The following RBFOX1 variants were observed in gnomAD, a reference collection of about 807,000 sequenced individuals.
The protein encoded by RBFOX1 is RNA binding fox-1 homolog 1.
In RBFOX1, 8 loss-of-function variants were observed where a neutral mutation model predicts 57.7. The observed-to-expected ratio is 0.14, with a 90% CI of 0.08 to 0.25. The LOEUF is 0.25. Among genes scored for constraint, RBFOX1 ranks in the 10% least tolerant of loss-of-function variants. The pLI, the probability that RBFOX1 is intolerant of heterozygous loss-of-function variation, is 1.00. For synonymous variants in RBFOX1, 326 were observed against 222.4 expected, an observed-to-expected ratio of 1.47 and a Z score of -4.15; for missense variants, 611 against 548.5, an observed-to-expected ratio of 1.11 and a Z score of -1.14.
At chr16:6,881,081 T>G (rs1415275687) in intron 3 of RBFOX1, among the ~76,000 whole-genome samples, 1 of 152,208 alleles carries the variant, frequency 6.6e-6, no homozygotes, top group East Asian at 1.9e-4. Context: ...ATGGCACTTT[T>G]ACCCACTGAG....
chr16:6,479,977 G>T (rs569277247), intron 2 of RBFOX1, among the ~76,000 whole-genome samples: 1 of 151,894 alleles, frequency 6.6e-6, no homozygotes, highest in East Asian at 1.9e-4. Flanking sequence ...CTTAAACCCA[G>T]GGGCAGAGGT....
intron 3 of RBFOX1, among the ~76,000 whole-genome samples, chr16:5,659,760 A>C (rs1404048562): frequency 6.6e-6 from 1 of 152,236 alleles, no homozygotes; most frequent in African/African-American, 2.4e-5. Context: ...TTACCAAGGT[A>C]GAGAACAAAC....
intron 1 of RBFOX1, among the ~76,000 whole-genome samples, chr16:6,194,854 A>G (rs2097169598): frequency 6.6e-6 from 1 of 152,218 alleles, no homozygotes; most frequent in Non-Finnish European, 1.5e-5. Flanking sequence ...AGTGATTAAT[A>G]TGGTATGTCA....
chr16:7,612,408 A>G (rs2057688126), intron 10 of RBFOX1, among the ~76,000 whole-genome samples: 1 of 151,266 alleles, frequency 6.6e-6, no homozygotes, highest in Admixed American at 6.6e-5. Context: ...TCTTTGGCCA[A>G]TGTGTATGGC....
At position 7,710,844 on chromosome 16, in the gene RBFOX1, TAAA is replaced by T. The variant is rs5815427; in HGVS notation, c.*111_*113del. The T allele has an allele frequency of 0.1, 85,304 of 825,992 alleles. 2,932 individuals are homozygous for T. The highest frequency in any genetic ancestry group is 0.19 in the African/African-American group (10,753 of 55,668). 51.2% of individuals were successfully genotyped at this position (825,992 alleles called of 1,614,324 possible). A position where few individuals can be genotyped will look rare whatever the true frequency, so the allele number is the denominator to read the frequency against. The stretch of plus-strand genomic sequence containing the variant: ...CAGTAGTACATCATTTTAGCAACTC[TAAA>T]AAAAAAAAAAATACAAATAAAAAGG... On this transcript the variant is annotated 3_prime_UTR_variant, in exon 16 of 16. Coordinates refer to ENST00000550418, the MANE Select transcript of RBFOX1 (RefSeq NM_018723.4).
intron 2 of RBFOX1, among the ~76,000 whole-genome samples, chr16:6,516,160 C>G (rs2096373974): frequency 6.6e-6 from 1 of 152,142 alleles, no homozygotes; most frequent in African/African-American, 2.4e-5. Context: ...TCCCGAGTAG[C>G]TGGGATTACA....
chr16:5,631,891 G>T (rs147754104), intron 3 of RBFOX1, among the ~76,000 whole-genome samples: 3 of 152,212 alleles, frequency 2.0e-5, no homozygotes, highest in African/African-American at 4.8e-5. Flanking sequence ...GGACACTGGG[G>T]TGTTCACTAG....
At chr16:5,904,968 C>T (rs1249620650) in intron 4 of RBFOX1, among the ~76,000 whole-genome samples, 1 of 101,328 alleles carries the variant, frequency 9.9e-6, no homozygotes, top group Non-Finnish European at 2.0e-5. Flanking sequence ...CAGAGCAAGA[C>T]TCCGTCTCAA....
rs187063900 is a variant in RBFOX1, at chr16:6,657,970, C to T, written c.-16+3320C>T. On this transcript the variant is annotated intron_variant, in intron 3 of 15. Transcript: ENST00000550418. ...CCCTGGCTTTCTGTCTACTTCGTTT[C>T]CAGATATTCCACATATATGGATATA... is the stretch of plus-strand genomic sequence containing the variant. Among the ~76,000 whole-genome samples, 1,170 of 152,026 alleles carry T rather than the reference C, an allele frequency of 7.7e-3. 13 individuals are homozygous for T. The highest frequency in any genetic ancestry group is 0.027 in the African/African-American group (1,111 of 41,468).
At chr16:6,258,393 A>T (rs189448213) in intron 1 of RBFOX1, among the ~76,000 whole-genome samples, 4 of 152,318 alleles carry the variant, frequency 2.6e-5, no homozygotes, top group Admixed American at 2.0e-4. Flanking sequence ...CTAAAACAAC[A>T]ATTTCTCTTA....
chr16:7,497,675 A>G (rs1162678269), intron 4 of RBFOX1, among the ~76,000 whole-genome samples: 1 of 152,216 alleles, frequency 6.6e-6, no homozygotes, highest in Non-Finnish European at 1.5e-5. Context: ...CAAAAACTAC[A>G]TTTCGAATGA....
At chr16:6,780,888 C>G (rs76103221) in intron 3 of RBFOX1, among the ~76,000 whole-genome samples, 3,876 of 151,982 alleles carry the variant, frequency 0.026, 183 homozygotes, top group African/African-American at 0.088. Flanking sequence ...CATGTTCTGG[C>G]AGTTATTCTC....
intron 3 of RBFOX1, among the ~76,000 whole-genome samples, chr16:6,745,042 A>C (rs750805529): frequency 2.0e-5 from 3 of 152,090 alleles, no homozygotes; most frequent in Admixed American, 1.3e-4. Flanking sequence ...AAATAAGATC[A>C]TATTATGAAC....
At chr16:5,674,298 A>G (rs572064903) in intron 3 of RBFOX1, among the ~76,000 whole-genome samples, 1 of 152,244 alleles carries the variant, frequency 6.6e-6, no homozygotes, top group East Asian at 1.9e-4. Flanking sequence ...TGAGTAACAA[A>G]GACTTGAAGG....
rs1387712617 is a variant in RBFOX1, at chr16:6,761,196, G to A, written c.-16+106546G>A. On this transcript the variant is annotated intron_variant, in intron 3 of 15. Coordinates refer to ENST00000550418, the MANE Select transcript of RBFOX1 (RefSeq NM_018723.4). ...TCTGTACTTTATTTTAGAACTAAAG[G>A]AGGCAAATGAGCAATAAATTTGAAG... is the stretch of plus-strand genomic sequence containing the variant. Among the ~76,000 whole-genome samples the A allele has an allele frequency of 3.3e-5, 5 of 152,160 alleles. No homozygotes were observed. In the East Asian group the frequency reaches 9.7e-4, roughly 29 times the overall value.
At chr16:7,338,243 A>G (rs533857429) in intron 4 of RBFOX1, among the ~76,000 whole-genome samples, 8 of 130,112 alleles carry the variant, frequency 6.1e-5, no homozygotes, top group Admixed American at 2.8e-4. Flanking sequence ...TACCGTTTCT[A>G]TGCCTTCTTT....
intron 1 of RBFOX1, among the ~76,000 whole-genome samples, chr16:5,306,597 A>G (rs1190060788): frequency 6.6e-6 from 1 of 152,182 alleles, no homozygotes; most frequent in African/African-American, 2.4e-5. Context: ...GTGAGTCACC[A>G]TGCCTGGCCG....
chr16:5,365,659 C>A (rs1415169518), intron 1 of RBFOX1: 3 of 335,460 alleles, frequency 8.9e-6, no homozygotes, highest in Admixed American at 4.1e-5. Context: ...CGGAGTAAGA[C>A]CCTGTCTCAG....
At chr16:6,648,312 C>A (rs1406055562) in intron 2 of RBFOX1, among the ~76,000 whole-genome samples, 2 of 150,912 alleles carry the variant, frequency 1.3e-5, no homozygotes, top group African/African-American at 4.9e-5. Flanking sequence ...CCTCTGGACT[C>A]GGCCTCCCAA....
Sources: gnomAD v4.1 joint callset for allele counts (sites outside exome capture counted in the v4.1 genomes callset) on GRCh38, gnomAD v4.1.1 for gene constraint, MANE v1.5 for transcripts, NCBI Gene and HGNC (gene_info 2026-07-23, HGNC 2026-07-21) for gene names.